The following KBTBD12 variants were observed in gnomAD, a reference collection of about 807,000 sequenced individuals.
KBTBD12 encodes the protein kelch repeat and BTB domain containing 12.
KBTBD12 carries 53 observed loss-of-function variants against 58.7 expected under a neutral mutation model. The observed-to-expected ratio is 0.90, with a 90% CI of 0.72 to 1.14. The LOEUF is 1.14. KBTBD12 is among the 50% of genes most tolerant of loss of function. The pLI, the probability that KBTBD12 is intolerant of heterozygous loss-of-function variation, is 0.00. For missense variants in KBTBD12, 704 were observed against 751.3 expected (o/e 0.94, Z 0.74); for synonymous variants, 236 against 259.8 (o/e 0.91, Z 0.88).
intron 5 of KBTBD12, among the ~76,000 whole-genome samples, chr3:127,982,737 C>G (rs1940893731): frequency 6.6e-6 from 1 of 152,218 alleles, no homozygotes; most frequent in Non-Finnish European, 1.5e-5. Flanking sequence ...ACCGGTGCTG[C>G]TCCCCAGACA....
intron 1 of KBTBD12, among the ~76,000 whole-genome samples, chr3:127,919,706 C>T (rs1373677847): frequency 4.6e-5 from 7 of 151,742 alleles, no homozygotes; most frequent in South Asian, 2.1e-4. Context: ...TTGTTTTTTC[C>T]AATCACTCAT....
intron 5 of KBTBD12, among the ~76,000 whole-genome samples, chr3:127,965,507 A>G (rs945968908): frequency 1.3e-5 from 2 of 152,190 alleles, no homozygotes; most frequent in Non-Finnish European, 2.9e-5. Context: ...CAGACACTAA[A>G]TGTTTTCTCC....
At chr3:127,953,455 T>G (rs1940253621) in intron 4 of KBTBD12, among the ~76,000 whole-genome samples, 1 of 152,232 alleles carries the variant, frequency 6.6e-6, no homozygotes. Flanking sequence ...AGGAACTCTT[T>G]GAAAATATTG....
chr3:127,951,812 T>C (rs943213973), intron 4 of KBTBD12, among the ~76,000 whole-genome samples: 5 of 152,192 alleles, frequency 3.3e-5, no homozygotes, highest in African/African-American at 1.2e-4. Context: ...CATCAGACTG[T>C]GCAACAAAGT....
chr3:127,945,896 C>A (rs1173267740), intron 4 of KBTBD12, among the ~76,000 whole-genome samples: 1 of 151,904 alleles, frequency 6.6e-6, no homozygotes, highest in African/African-American at 2.4e-5. Context: ...CCAGGCTGGT[C>A]TTGAACTCCT....
chr3:127,956,540 T>C (rs183142913), intron 4 of KBTBD12, among the ~76,000 whole-genome samples: 3 of 152,316 alleles, frequency 2.0e-5, no homozygotes, highest in Admixed American at 2.0e-4. Flanking sequence ...AATATACTTT[T>C]AGATTGCTTA....
intron 5 of KBTBD12, among the ~76,000 whole-genome samples, chr3:127,966,984 C>T (rs1021931554): frequency 7.9e-5 from 12 of 152,182 alleles, no homozygotes; most frequent in Non-Finnish European, 1.8e-4. Flanking sequence ...TTTCCACCTA[C>T]GATTCTATGC....
At chr3:127,938,256 A>T (rs1306009605) in intron 4 of KBTBD12, among the ~76,000 whole-genome samples, 10 of 152,198 alleles carry the variant, frequency 6.6e-5, no homozygotes, top group Non-Finnish European at 1.5e-5. Flanking sequence ...TAAAATAGTA[A>T]AAGAAATGAA....
intron 5 of KBTBD12, among the ~76,000 whole-genome samples, chr3:127,974,648 C>T (rs145697279): frequency 2.3e-3 from 351 of 152,342 alleles, no homozygotes; most frequent in Non-Finnish European, 4.0e-3. Context: ...GTTCTTTCCC[C>T]TCCGGACCAC....
Position 127,987,313 on chromosome 3 carries a change from A to G in KBTBD12, c.*3035A>G, listed in dbSNP as rs948442958. ...TTCTTGTCTGACTTCTGTATTTGCA[A>G]TTAAAAACAACATGACCCTCCCCAC... On this transcript the variant is annotated 3_prime_UTR_variant, in exon 6 of 6. Coordinates refer to ENST00000405109, the MANE Select transcript of KBTBD12 (RefSeq NM_207335.4). 7 of 152,338 alleles carry G rather than the reference A, an allele frequency of 4.6e-5. No homozygotes were observed. The East Asian group carries it at 1.3e-3, about 29-fold the overall frequency. 9.4% of individuals were successfully genotyped at this position (152,338 alleles called of 1,614,324 possible).
chr3:127,916,434 A>G (rs770706006), intron 1 of KBTBD12, among the ~76,000 whole-genome samples: 16 of 152,178 alleles, frequency 1.1e-4, no homozygotes. Flanking sequence ...ACAAACTTAA[A>G]TGGCTGTAGG....
intron 5 of KBTBD12, 138 bp downstream of exon 5, chr3:127,963,524 T>C: frequency 1.3e-6 from 1 of 781,406 alleles, no homozygotes; most frequent in Non-Finnish European, 2.0e-6. Flanking sequence ...AGGGACCCTG[T>C]GCAAAACCTC....
chr3:127,958,830 G>C (rs1940371410), intron 4 of KBTBD12, among the ~76,000 whole-genome samples: 1 of 152,164 alleles, frequency 6.6e-6, no homozygotes, highest in Non-Finnish European at 1.5e-5. Flanking sequence ...AGCTGGTCAA[G>C]GGCTATGAAG....
rs1701336560 is a variant in KBTBD12 at position 127,963,292 on chromosome 3, C to T, written c.1596C>T (p.Pro532=). 1 of 1,611,820 alleles carries T rather than the reference C, an allele frequency of 6.2e-7. No homozygotes were observed. Among genetic ancestry groups the T allele is most frequent in the Non-Finnish European group, 8.5e-7 (1 of 1,179,088 alleles). The change falls in exon 5 of 6, where the codon CCC becomes CCT. Residue 532 remains proline, a synonymous_variant. Coordinates refer to ENST00000405109, the MANE Select transcript of KBTBD12 (RefSeq NM_207335.4). ...PDGDFWREGP[P]MPSPLLSLRT... ...GGGACTTTTGGCGAGAGGGCCCTCCCATGCCAAGTCCCCTCCTCTCACTCC... is the reference window on the plus strand; with the variant it reads ...GGGACTTTTGGCGAGAGGGCCCTCCTATGCCAAGTCCCCTCCTCTCACTCC...
chr3:127,969,149 A>G (rs1157755880), intron 5 of KBTBD12, among the ~76,000 whole-genome samples: 1 of 152,228 alleles, frequency 6.6e-6, no homozygotes. Flanking sequence ...AACTAATTGC[A>G]TATGACATAA....
chr3:127,934,910 C>T (rs1197131594), intron 4 of KBTBD12, among the ~76,000 whole-genome samples: 1 of 152,070 alleles, frequency 6.6e-6, no homozygotes, highest in Non-Finnish European at 1.5e-5. Context: ...ACTAAAAGAA[C>T]ACTAAAATCC....
chr3:127,966,795 AG>A (rs1940581280), intron 5 of KBTBD12, among the ~76,000 whole-genome samples: 1 of 152,224 alleles, frequency 6.6e-6, no homozygotes, highest in Non-Finnish European at 1.5e-5. Context: ...GACCCAAACT[AG>A]GGCACATCAC....
chr3:127,923,930 G>C lies in KBTBD12; in HGVS notation c.869G>C (p.Arg290Thr). 6.2e-7 allele frequency: 1 copy of C among 1,613,914 alleles called. No individual in the cohort carries two copies. Among genetic ancestry groups the C allele is most frequent in the South Asian group, 1.1e-5 (1 of 91,082 alleles). ...IGNNSSGIRS[R>T]HRSYGDASFC... is the part of the protein sequence containing the mutation. ...AACAATTCTTCAGGAATCAGATCAA[G>C]ACATAGGAGCTATGGGGATGCCAGT... Residue 290 changes from arginine (R) to threonine (T), a missense_variant, in exon 2 of 6, where the codon AGA becomes ACA. Arg to Thr is a moderately conservative substitution (Grantham distance 71). Transcript: ENST00000405109.
In KBTBD12 at chr3:127,923,498, A is replaced by G. The variant is rs780259725; in HGVS notation, c.437A>G (p.Glu146Gly). 31 of 1,611,062 alleles carry G rather than the reference A, an allele frequency of 1.9e-5. No individual in the cohort carries two copies. Among genetic ancestry groups the G allele is most frequent in the Admixed American group, 1.3e-4 (8 of 59,640 alleles). ...IYYFAKQIGA[E>G]DLSDRSKKYL... ...TATTTTGCAAAGCAGATTGGAGCTGAAGATTTATCTGATCGATCAAAGAAA... is the reference window on the plus strand; with the variant it reads ...TATTTTGCAAAGCAGATTGGAGCTGGAGATTTATCTGATCGATCAAAGAAA... The change falls in exon 2 of 6, where the codon GAA becomes GGA. Residue 146 changes from glutamate to glycine, a missense_variant. Physicochemically the swap from Glu to Gly is moderately conservative, Grantham distance 98. Transcript: ENST00000405109.
Sources: allele counts gnomAD v4.1 joint callset (sites outside exome capture counted in the v4.1 genomes callset), GRCh38; gene constraint gnomAD v4.1.1; transcripts MANE v1.5; gene names NCBI Gene and HGNC (gene_info 2026-07-23, HGNC 2026-07-21).